The following GLB1 variants were observed in gnomAD, a reference collection of about 807,000 sequenced individuals.
GLB1 encodes beta-galactosidase.
GLB1 carries 56 observed loss-of-function variants against 74.0 expected under a neutral mutation model. The observed-to-expected ratio is 0.76, with a 90% CI of 0.61 to 0.94. GLB1 has a LOEUF of 0.94. Ranked by LOEUF, GLB1 falls within the 40% of genes least tolerant of loss-of-function variation. The probability of loss-of-function intolerance (pLI) is 0.00; values close to 1 mark genes in which losing one functional copy is unlikely to be tolerated. For synonymous variants in GLB1, 323 were observed against 323.6 expected, an observed-to-expected ratio of 1.00 and a Z score of 0.02; for missense variants, 787 against 845.5, an observed-to-expected ratio of 0.93 and a Z score of 0.86.
chr3:33,051,621 A>AAAAG, intron 9 of GLB1, 137 bp downstream of exon 9: 1 of 1,201,350 alleles, frequency 8.3e-7, no homozygotes, highest in East Asian at 2.8e-5. Flanking sequence ...AAAAAAAAAG[A>AAAAG]AAAAGAAAAA....
At chr3:32,983,177 T>C in the GLB1 span, among the ~76,000 whole-genome samples, 3 of 152,222 alleles carry the variant, frequency 2.0e-5, no homozygotes, top group African/African-American at 4.8e-5. Context: ...ATCCATTATT[T>C]CTTCAAATAC....
intron 5 of GLB1, among the ~76,000 whole-genome samples, chr3:33,062,727 G>A (rs561892884): frequency 1.3e-3 from 204 of 152,270 alleles, no homozygotes; most frequent in Admixed American, 4.3e-3. Flanking sequence ...GGTGGAGGTT[G>A]CAGTGAGCCG....
In GLB1 at chr3:33,024,153, C is replaced by A. The variant is rs1320444695; in HGVS notation, c.1143+98G>T. Reference sequence around the variant, plus strand: ...ACAAATTCGCAGAAAAATAACGAACCAATTCCTCCAGCACAGCACTTTCAC... The same window carrying A: ...ACAAATTCGCAGAAAAATAACGAACAAATTCCTCCAGCACAGCACTTTCAC... On this transcript the variant is annotated intron_variant, in intron 11 of 15. Coordinates refer to ENST00000307363, the MANE Select transcript of GLB1 (RefSeq NM_000404.4). 3 of 1,360,234 alleles carry A rather than the reference C, an allele frequency of 2.2e-6. No homozygotes were observed. In the African/African-American group the frequency reaches 4.4e-5, roughly 20 times the overall value. 84.3% of individuals were successfully genotyped at this position (1,360,234 alleles called of 1,614,324 possible). A position where few individuals can be genotyped will look rare whatever the true frequency, so the allele number is the denominator to read the frequency against.
chr3:32,971,663 C>T, the GLB1 span, among the ~76,000 whole-genome samples: 1 of 152,218 alleles, frequency 6.6e-6, no homozygotes, highest in Non-Finnish European at 1.5e-5. Context: ...AAGGCTTTCA[C>T]AGAGGCAGTA....
At position 33,093,885 on chromosome 3, in the gene GLB1, A is replaced by G. The variant is rs966198645; in HGVS notation, c.75+3126T>C. 4 of 1,613,954 alleles carry G rather than the reference A, an allele frequency of 2.5e-6. No individual in the cohort carries two copies. In the African/African-American group the frequency reaches 5.3e-5, roughly 21 times the overall value. ...ATAGGGCTCTTCGGCCACTAAAAAGAACATGGTAAAGAAACTGGAATGGGC... is the reference window on the plus strand; with the variant it reads ...ATAGGGCTCTTCGGCCACTAAAAAGGACATGGTAAAGAAACTGGAATGGGC... On this transcript the variant is annotated intron_variant, in intron 1 of 15. Coordinates refer to ENST00000307363, the MANE Select transcript of GLB1 (RefSeq NM_000404.4). The surrounding 1 kb of genome is among the most constrained non-coding windows in gnomAD (Gnocchi z 6.0).
chr3:33,071,163 T>C (rs1699873502), intron 2 of GLB1, among the ~76,000 whole-genome samples: 1 of 152,188 alleles, frequency 6.6e-6, no homozygotes, highest in African/African-American at 2.4e-5. Context: ...GGTTGTGTCA[T>C]TTTGCGTGTG....
At position 33,040,877 on chromosome 3, in the gene GLB1, C is replaced by T. The variant is rs533475072; in HGVS notation, c.1068+5243G>A. 2.5e-4 allele frequency among the ~76,000 whole-genome samples: 38 copies of T among 152,060 alleles called. No individual in the cohort carries two copies. The South Asian group carries it at 7.1e-3, about 28-fold the overall frequency. On this transcript the variant is annotated intron_variant, in intron 10 of 15. Coordinates refer to ENST00000307363, the MANE Select transcript of GLB1 (RefSeq NM_000404.4). ...AATTTAAAAATGGCTGAGTAAAATT[C>T]GAACTGCTAATGTGAACTTATAGAA...
intron 6 of GLB1, among the ~76,000 whole-genome samples, chr3:33,057,527 T>G (rs1055445291): frequency 6.6e-6 from 1 of 152,202 alleles, no homozygotes; most frequent in Non-Finnish European, 1.5e-5. Context: ...TACACAGCAC[T>G]GTGTAAGGAA....
chr3:33,074,389 G>GAAGGAAGAAAGAAAGAAAGA (rs1553612831), intron 1 of GLB1, among the ~76,000 whole-genome samples: 5 of 38,908 alleles, frequency 1.3e-4, no homozygotes, highest in East Asian at 1.4e-3. Context: ...AGGAAGGAAG[G>GAAGGAAGAAAGAAAGAAAGA]AAGAAAGAAA....
At chr3:33,069,523 T>C (rs532387326) in intron 2 of GLB1, among the ~76,000 whole-genome samples, 1 of 152,338 alleles carries the variant, frequency 6.6e-6, no homozygotes, top group African/African-American at 2.4e-5. Context: ...CCAGGGGAGA[T>C]ATTTTGTTTG....
chr3:33,031,298 T>C (rs912367659), intron 10 of GLB1, among the ~76,000 whole-genome samples: 1 of 152,086 alleles, frequency 6.6e-6, no homozygotes, highest in Non-Finnish European at 1.5e-5. Context: ...AGCAAATATT[T>C]TGAAGATCAT....
chr3:32,993,693 C>T (rs1194419442), downstream of GLB1, among the ~76,000 whole-genome samples: 1 of 151,826 alleles, frequency 6.6e-6, no homozygotes, highest in Non-Finnish European at 1.5e-5. Context: ...TGCCACCATG[C>T]CCGGCTAATT....
At chr3:32,986,913 C>T in the GLB1 span, among the ~76,000 whole-genome samples, 1 of 152,116 alleles carries the variant, frequency 6.6e-6, no homozygotes, top group Admixed American at 6.5e-5. Context: ...ACCTGGAATA[C>T]TCTTCCCCTA....
chr3:32,993,462 C>A (rs1347437728), downstream of GLB1, among the ~76,000 whole-genome samples: 1 of 151,678 alleles, frequency 6.6e-6, no homozygotes, highest in East Asian at 1.9e-4. Context: ...CTCAAGTGAT[C>A]CTCCTACCTC....
intron 15 of GLB1, among the ~76,000 whole-genome samples, chr3:33,007,232 T>C (rs911786255): frequency 3.3e-5 from 5 of 152,250 alleles, no homozygotes; most frequent in African/African-American, 7.2e-5. Flanking sequence ...TTTATTGACA[T>C]AGAATTCATA....
At chr3:33,051,093 T>C (rs147696473) in intron 9 of GLB1, among the ~76,000 whole-genome samples, 12,197 of 150,580 alleles carry the variant, frequency 0.081, 1,131 homozygotes, top group East Asian at 0.48. Flanking sequence ...ATTAGCTGGG[T>C]GTGGTGGCGG....
chr3:33,047,880 A>T (rs917318884), intron 9 of GLB1, among the ~76,000 whole-genome samples: 1 of 152,174 alleles, frequency 6.6e-6, no homozygotes, highest in Admixed American at 6.5e-5. Flanking sequence ...AATCAGAGAC[A>T]ACTCACAGCC....
At chr3:33,026,420 G>A (rs991032669) in intron 10 of GLB1, among the ~76,000 whole-genome samples, 1 of 152,202 alleles carries the variant, frequency 6.6e-6, no homozygotes, top group Non-Finnish European at 1.5e-5. Context: ...GGGCAGCTCA[G>A]CACTGGCCTG....
chr3:33,084,158 T>C (rs1466492845), intron 1 of GLB1, among the ~76,000 whole-genome samples: 1 of 152,158 alleles, frequency 6.6e-6, no homozygotes, highest in African/African-American at 2.4e-5. Context: ...CACGAGCTGT[T>C]CAGCTCCAGG....
Sources: allele counts gnomAD v4.1 joint callset (sites outside exome capture counted in the v4.1 genomes callset), GRCh38; gene constraint gnomAD v4.1.1; non-coding constraint Gnocchi (gnomAD v3.1); transcripts MANE v1.5; gene names NCBI Gene and HGNC (gene_info 2026-07-23, HGNC 2026-07-21).